DNAJC13: variants seen among roughly 807,000 people sequenced by gnomAD.
DNAJC13 encodes the protein DnaJ heat shock protein family (Hsp40) member C13, also known as dnaJ homolog subfamily C member 13.
In DNAJC13, 75 loss-of-function variants were observed where a neutral mutation model predicts 290.5. The observed-to-expected ratio is 0.26, with a 90% CI of 0.21 to 0.31. The LOEUF is 0.31. Among genes scored for constraint, DNAJC13 ranks in the 10% least tolerant of loss-of-function variants. The pLI is 1.00. For missense variants in DNAJC13, 2,260 were observed against 2,674.5 expected (o/e 0.85, Z 3.42); for synonymous variants, 862 against 892.0 (o/e 0.97, Z 0.60).
Position 132,524,028 on chromosome 3 carries a change from C to T in DNAJC13, c.6060+315C>T, listed in dbSNP as rs113329736. 1,052 of 211,628 alleles carry T rather than the reference C, an allele frequency of 5.0e-3. 11 individuals carry two copies. Among genetic ancestry groups the T allele is most frequent in the East Asian group, 0.026 (227 of 8,676 alleles). The allele number at this position is 211,628 out of a possible 1,614,324, so 13.1% of individuals were successfully genotyped here. ...ATGAATATGTAATTTTAAGGAGAAA[C>T]CTGTGTGTTCGGTGTTCCTCTGAGA... On this transcript the variant is annotated intron_variant, in intron 51 of 55. Coordinates refer to ENST00000260818, the MANE Select transcript of DNAJC13 (RefSeq NM_015268.4).
intron 26 of DNAJC13, among the ~76,000 whole-genome samples, chr3:132,481,149 T>G (rs936573408): frequency 1.3e-5 from 2 of 152,224 alleles, no homozygotes; most frequent in African/African-American, 4.8e-5. Flanking sequence ...GGTCACCTGA[T>G]AAGTGGCAGA....
intron 20 of DNAJC13, among the ~76,000 whole-genome samples, chr3:132,470,841 G>C (rs1337048290): frequency 7.6e-6 from 1 of 131,824 alleles, no homozygotes; most frequent in Non-Finnish European, 1.6e-5. Context: ...CAGGCGGGGG[G>C]CTGATCCCCC....
chr3:132,454,223 A>G (rs947171959), intron 9 of DNAJC13, 66 bp downstream of exon 9: 20 of 1,119,080 alleles, frequency 1.8e-5, no homozygotes, highest in South Asian at 2.9e-5. Context: ...GTCAACAAGG[A>G]AAACCAAAGA....
In DNAJC13 at chr3:132,528,337, G is replaced by A; in HGVS notation, c.6525+5G>A. 1 of 1,613,936 alleles carries A rather than the reference G, an allele frequency of 6.2e-7. No homozygotes were observed. The highest frequency in any genetic ancestry group is 8.5e-7 in the Non-Finnish European group (1 of 1,179,904). On this transcript the variant is annotated splice_donor_5th_base_variant and intron_variant, in intron 54 of 55. Coordinates refer to ENST00000260818, the MANE Select transcript of DNAJC13 (RefSeq NM_015268.4). Reference sequence around the variant, plus strand: ...AGTTTGCAGTATGGAGAACAGGTGAGTCTGCATAGAGTCAACTTTTGATAT... The same window carrying A: ...AGTTTGCAGTATGGAGAACAGGTGAATCTGCATAGAGTCAACTTTTGATAT...
At chr3:132,480,532 A>T in intron 26 of DNAJC13, 62 bp downstream of exon 26, 1 of 1,234,364 alleles carries the variant, frequency 8.1e-7, no homozygotes, top group East Asian at 2.4e-5. Flanking sequence ...TTAGAGGCAA[A>T]AGAATCATAG....
Position 132,453,341 on chromosome 3 carries a change from C to T in DNAJC13, c.581C>T (p.Ala194Val). ...CAAAGAGAAGAGATTATTAAAAGTG[C>T]AATAGACCATGCTGGTAACTACATA... ...SEQREEIIKS[A>V]IDHAGNYIGI... The change falls in exon 7 of 56, where the codon GCA becomes GTA. Residue 194 changes from alanine (A) to valine (V), a missense_variant. Ala to Val is a moderately conservative substitution (Grantham distance 64). Coordinates refer to ENST00000260818, the MANE Select transcript of DNAJC13 (RefSeq NM_015268.4). The T allele has an allele frequency of 6.2e-7, 1 of 1,613,762 alleles. No homozygotes were observed. The highest frequency in any genetic ancestry group is 1.3e-5 in the African/African-American group (1 of 75,002).
chr3:132,494,962 G>T, intron 34 of DNAJC13, 126 bp from the exon 35 acceptor site: 1 of 503,682 alleles, frequency 2.0e-6, no homozygotes. Flanking sequence ...GGTTTAATTT[G>T]AAGCCTAATA....
intron 46 of DNAJC13, chr3:132,514,900 AACC>A: frequency 6.0e-6 from 1 of 167,254 alleles, no homozygotes; most frequent in South Asian, 2.2e-4. Context: ...AAAGGAAAAT[AACC>A]TGGGATTTTC....
At chr3:132,439,936 T>A (rs1002319698) in intron 2 of DNAJC13, among the ~76,000 whole-genome samples, 1 of 152,186 alleles carries the variant, frequency 6.6e-6, no homozygotes, top group Non-Finnish European at 1.5e-5. Context: ...CCATTAATTT[T>A]GTTCTTTGTT....
intron 42 of DNAJC13, among the ~76,000 whole-genome samples, chr3:132,507,028 A>T (rs1935615422): frequency 6.6e-6 from 1 of 152,162 alleles, no homozygotes; most frequent in Admixed American, 6.5e-5. Flanking sequence ...GAAATTTTAA[A>T]ATGAGTTAAT....
At position 132,483,527 on chromosome 3, in the gene DNAJC13, T is replaced by C; in HGVS notation, c.3132T>C (p.Ala1044=). The change falls in exon 28 of 56, where the codon GCT becomes GCC. Residue 1044 remains alanine (A), a synonymous_variant. Coordinates refer to ENST00000260818, the MANE Select transcript of DNAJC13 (RefSeq NM_015268.4). ...GQAVLNETDL[A]TLILNMLITM... is the part of the protein sequence containing the mutation. ...CTGTCCTGAATGAAACTGACCTTGC[T>C]ACCCTTATATTGAACATGTTGATCA... is the stretch of plus-strand genomic sequence containing the variant. 1.9e-6 allele frequency: 3 copies of C among 1,614,164 alleles called. No individual in the cohort carries two copies. The highest frequency in any genetic ancestry group is 2.5e-6 in the Non-Finnish European group (3 of 1,179,998).
In DNAJC13 at chr3:132,538,294, G is replaced by C; in HGVS notation, c.*12G>C. On this transcript the variant is annotated 3_prime_UTR_variant, in exon 56 of 56. Coordinates refer to ENST00000260818, the MANE Select transcript of DNAJC13 (RefSeq NM_015268.4). ...GCTATCAGACTTGAAATATTCACGA[G>C]AGACAATAAACGCTGAAAGGCCAGT... 1 of 1,609,436 alleles carries C rather than the reference G, an allele frequency of 6.2e-7. No homozygotes were observed. The highest frequency in any genetic ancestry group is 1.1e-5 in the South Asian group (1 of 90,748).
rs1559916530 is a variant in DNAJC13, at chr3:132,531,234, G to A, written c.6625+137G>A. The A allele has an allele frequency of 1.0e-5, 7 of 674,158 alleles. No homozygotes were observed. In the East Asian group the frequency reaches 1.9e-4, roughly 18 times the overall value. The allele number at this position is 674,158 out of a possible 1,614,324, so 41.8% of individuals were successfully genotyped here. ...CTGACCTTTCTTGGAGGTGCTATGA[G>A]CATGTAGTAGACATATGGTCTTAGC... On this transcript the variant is annotated intron_variant, in intron 55 of 55. Coordinates refer to ENST00000260818, the MANE Select transcript of DNAJC13 (RefSeq NM_015268.4).
intron 54 of DNAJC13, among the ~76,000 whole-genome samples, chr3:132,530,262 C>A (rs922405533): frequency 6.6e-6 from 1 of 152,178 alleles, no homozygotes; most frequent in Non-Finnish European, 1.5e-5. Flanking sequence ...CAGAGACAGT[C>A]TGTCTTTCTC....
chr3:132,516,670 C>G (rs201354482), intron 47 of DNAJC13, 34 bp from the exon 48 acceptor site: 1 of 1,578,330 alleles, frequency 6.3e-7, no homozygotes, highest in East Asian at 2.3e-5. Context: ...AAGTCAAATT[C>G]TTTATAAGCA....
intron 48 of DNAJC13, among the ~76,000 whole-genome samples, chr3:132,517,099 T>C (rs1935943598): frequency 6.6e-6 from 1 of 152,256 alleles, no homozygotes; most frequent in African/African-American, 2.4e-5. Context: ...ATATCAAGAC[T>C]ATGACAGAAG....
chr3:132,491,089 A>G, intron 32 of DNAJC13, 38 bp downstream of exon 32: 1 of 1,526,374 alleles, frequency 6.6e-7, no homozygotes. Flanking sequence ...GTATTTTATA[A>G]TTAAGTCTTT....
chr3:132,496,459 A>G (rs1397404441), intron 35 of DNAJC13, 69 bp from the exon 36 acceptor site: 3 of 1,371,952 alleles, frequency 2.2e-6, no homozygotes, highest in East Asian at 2.4e-5. Flanking sequence ...AATGCAAACC[A>G]TATGTCTTGT....
intron 54 of DNAJC13, among the ~76,000 whole-genome samples, chr3:132,529,237 A>G (rs1281039612): frequency 6.6e-6 from 1 of 152,172 alleles, no homozygotes; most frequent in African/African-American, 2.4e-5. Flanking sequence ...GTCATTTAGC[A>G]TGTTTTTAAG....
Sources: gnomAD v4.1 joint callset for allele counts (sites outside exome capture counted in the v4.1 genomes callset) on GRCh38, gnomAD v4.1.1 for gene constraint, MANE v1.5 for transcripts, NCBI Gene and HGNC (gene_info 2026-07-23, HGNC 2026-07-21) for gene names.